The following TMEM272 variants were observed in gnomAD, a reference collection of about 807,000 sequenced individuals.
The protein encoded by TMEM272 is long intergenic non-protein coding RNA 282.
TMEM272 carries 8 observed loss-of-function variants against 3.7 expected under a neutral mutation model. That is an observed-to-expected ratio of 2.17 (90% CI 1.27 to 3.91). The LOEUF (loss-of-function observed/expected upper bound fraction) is 3.91. Among genes scored for constraint, TMEM272 ranks in the 30% most tolerant of loss-of-function variants. TMEM272 has a pLI of 0.00. For missense variants in TMEM272, 166 were observed against 91.5 expected, an observed-to-expected ratio of 1.81 and a Z score of -3.32; for synonymous variants, 63 against 39.8, an observed-to-expected ratio of 1.58 and a Z score of -2.20.
the TMEM272 span, chr13:51,910,105 T>A: frequency 1.9e-6 from 2 of 1,077,790 alleles, no homozygotes; most frequent in Non-Finnish European, 2.9e-6. Context: ...AGAGACTGTA[T>A]CTTTTTGGAA....
chr13:51,897,111 T>C, the TMEM272 span, among the ~76,000 whole-genome samples: 26,094 of 152,234 alleles, frequency 0.17, 2,522 homozygotes, highest in East Asian at 0.44. Flanking sequence ...AGAGCACACA[T>C]TGGGTTCATC....
the TMEM272 span, among the ~76,000 whole-genome samples, chr13:51,867,937 A>G: frequency 6.6e-6 from 1 of 152,180 alleles, no homozygotes; most frequent in Non-Finnish European, 1.5e-5. Flanking sequence ...ATCCCCAGAG[A>G]TTCTGCCAAA....
chr13:51,888,298 G>A, the TMEM272 span, among the ~76,000 whole-genome samples: 4 of 151,964 alleles, frequency 2.6e-5, no homozygotes, highest in South Asian at 2.1e-4. Flanking sequence ...CGTTCACCTC[G>A]GACTCCCAAA....
At chr13:51,892,496 C>A in the TMEM272 span, among the ~76,000 whole-genome samples, 1 of 152,112 alleles carries the variant, frequency 6.6e-6, no homozygotes, top group Non-Finnish European at 1.5e-5. Flanking sequence ...GGCTTCTGTG[C>A]CCACTTGCTT....
chr13:51,911,530 A>G, the TMEM272 span, among the ~76,000 whole-genome samples: 1 of 152,084 alleles, frequency 6.6e-6, no homozygotes, highest in South Asian at 2.1e-4. Context: ...CCTCCCGCGC[A>G]TGCACATATC....
At chr13:51,925,095 A>G in the TMEM272 span, among the ~76,000 whole-genome samples, 1 of 152,116 alleles carries the variant, frequency 6.6e-6, no homozygotes, top group Non-Finnish European at 1.5e-5. Context: ...ACTCCTTTCT[A>G]AATTTCTCTT....
intron 2 of TMEM272, among the ~76,000 whole-genome samples, chr13:51,830,704 G>A (rs1344698192): frequency 2.0e-5 from 3 of 152,108 alleles, no homozygotes; most frequent in African/African-American, 2.4e-5. Flanking sequence ...ATGAAGAATC[G>A]AGAAAACAAC....
intron 1 of TMEM272, among the ~76,000 whole-genome samples, chr13:51,841,274 C>G (rs1956261391): frequency 6.6e-6 from 1 of 152,198 alleles, no homozygotes; most frequent in South Asian, 2.1e-4. Flanking sequence ...AGCCACGAAC[C>G]ACAGCATTTT....
chr13:51,911,791 T>C, the TMEM272 span, among the ~76,000 whole-genome samples: 1 of 152,114 alleles, frequency 6.6e-6, no homozygotes, highest in African/African-American at 2.4e-5. Flanking sequence ...CAGCCTCCAT[T>C]GGCTTCTAAA....
At chr13:51,924,984 C>T in the TMEM272 span, among the ~76,000 whole-genome samples, 788 of 152,288 alleles carry the variant, frequency 5.2e-3, 5 homozygotes, top group African/African-American at 0.018. Flanking sequence ...GAACCTTTGA[C>T]ATAACAAGAT....
intron 2 of TMEM272, among the ~76,000 whole-genome samples, chr13:51,830,330 C>T (rs899031376): frequency 6.6e-6 from 1 of 152,214 alleles, no homozygotes; most frequent in Non-Finnish European, 1.5e-5. Flanking sequence ...AGGGCCAGAA[C>T]ATTCTTAATG....
intron 3 of TMEM272, among the ~76,000 whole-genome samples, chr13:51,825,612 A>AGCT (rs1304937207): frequency 6.9e-6 from 1 of 145,644 alleles, no homozygotes. Flanking sequence ...GGGCCTGCTG[A>AGCT]GCTGCTTCTT....
At chr13:51,867,321 A>C in the TMEM272 span, among the ~76,000 whole-genome samples, 1 of 152,234 alleles carries the variant, frequency 6.6e-6, no homozygotes, top group Non-Finnish European at 1.5e-5. Context: ...AGCAAGTAGC[A>C]AATAGGAGGG....
At chr13:51,923,343 T>G in the TMEM272 span, among the ~76,000 whole-genome samples, 4 of 152,122 alleles carry the variant, frequency 2.6e-5, no homozygotes, top group African/African-American at 7.2e-5. Context: ...GATGGGCTGG[T>G]GAGGAGCTGC....
the TMEM272 span, among the ~76,000 whole-genome samples, chr13:51,892,487 G>C: frequency 6.6e-6 from 1 of 152,144 alleles, no homozygotes; most frequent in African/African-American, 2.4e-5. Flanking sequence ...TTGGGGGATG[G>C]CTTCTGTGCC....
intron 2 of TMEM272, among the ~76,000 whole-genome samples, chr13:51,831,666 G>A (rs1267347199): frequency 6.6e-6 from 1 of 152,206 alleles, no homozygotes; most frequent in Non-Finnish European, 1.5e-5. Context: ...CCCCACTCTC[G>A]CCTGATCCCC....
chr13:51,875,721 G>A, the TMEM272 span, among the ~76,000 whole-genome samples: 1 of 152,212 alleles, frequency 6.6e-6, no homozygotes, highest in Non-Finnish European at 1.5e-5. Flanking sequence ...CCTCCTTGCA[G>A]GCGCTGCTGA....
chr13:51,928,525 C>T, the TMEM272 span, among the ~76,000 whole-genome samples: 19 of 152,166 alleles, frequency 1.2e-4, no homozygotes, highest in African/African-American at 2.9e-4. Context: ...CTGAGGGAGA[C>T]GGCATGACAC....
the TMEM272 span, among the ~76,000 whole-genome samples, chr13:51,850,223 G>T: frequency 3.3e-5 from 5 of 152,206 alleles, no homozygotes; most frequent in East Asian, 9.7e-4. Context: ...ATTTTACGTT[G>T]TTTCTCTCTC....
Sources: gnomAD v4.1 joint callset for allele counts (sites outside exome capture counted in the v4.1 genomes callset) on GRCh38, gnomAD v4.1.1 for gene constraint, MANE v1.5 for transcripts, NCBI Gene and HGNC (gene_info 2026-07-23, HGNC 2026-07-21) for gene names.